SMG6: variants seen among roughly 807,000 people sequenced by gnomAD.
SMG6 encodes the protein SMG6 nonsense mediated mRNA decay factor.
A neutral mutation model predicts 142.2 loss-of-function variants in SMG6; 66 were observed. The observed-to-expected ratio is 0.46, with a 90% CI of 0.38 to 0.57. The LOEUF is 0.57. Among genes scored for constraint, SMG6 ranks in the 20% least tolerant of loss-of-function variants. The pLI is 0.00. For missense variants in SMG6, 1,793 were observed against 1,832.0 expected (o/e 0.98, Z 0.39); for synonymous variants, 779 against 702.4 (o/e 1.11, Z -1.72).
chr17:2,253,931 C>G (rs552249272), intron 8 of SMG6, among the ~76,000 whole-genome samples: 12 of 152,288 alleles, frequency 7.9e-5, no homozygotes, highest in African/African-American at 2.9e-4. Context: ...TTCACTTAGG[C>G]CAGAGGGCTC....
At chr17:2,244,081 T>C (rs192529388) in intron 9 of SMG6, among the ~76,000 whole-genome samples, 7 of 152,214 alleles carry the variant, frequency 4.6e-5, no homozygotes, top group Admixed American at 1.3e-4. Context: ...AGCAGTCAAG[T>C]GTTAGTTTTG....
intron 13 of SMG6, among the ~76,000 whole-genome samples, chr17:2,097,105 T>G (rs2068876267): frequency 6.6e-6 from 1 of 152,216 alleles, no homozygotes; most frequent in Non-Finnish European, 1.5e-5. Flanking sequence ...TGGAGTAGTT[T>G]TTAAAATCAA....
intron 13 of SMG6, among the ~76,000 whole-genome samples, chr17:2,157,553 C>T (rs2071044692): frequency 6.6e-6 from 1 of 152,142 alleles, no homozygotes; most frequent in Non-Finnish European, 1.5e-5. Context: ...TACTAAGTAC[C>T]ACCCAACATG....
chr17:2,154,036 T>C (rs1260574450), intron 13 of SMG6, among the ~76,000 whole-genome samples: 1 of 102,724 alleles, frequency 9.7e-6, no homozygotes, highest in Non-Finnish European at 1.9e-5. Context: ...TGACGGTGAC[T>C]GGGGAACCTG....
At chr17:2,137,127 G>A (rs534277150) in intron 13 of SMG6, among the ~76,000 whole-genome samples, 3 of 152,076 alleles carry the variant, frequency 2.0e-5, no homozygotes, top group Non-Finnish European at 4.4e-5. Context: ...AGATCCCGCC[G>A]CTGCACTCCA....
Position 2,061,352 on chromosome 17 carries a change from C to T in SMG6, c.*140G>A, listed in dbSNP as rs1567561899. On this transcript the variant is annotated 3_prime_UTR_variant, in exon 19 of 19. Transcript: ENST00000263073. Reference sequence around the variant, plus strand: ...AGGAGCAGGTCCCCCACAGCATGGCCGTGGCGTGGGTTGGAAGAGGATGGT... The same window carrying T: ...AGGAGCAGGTCCCCCACAGCATGGCTGTGGCGTGGGTTGGAAGAGGATGGT... 10 of 829,154 alleles carry T rather than the reference C, an allele frequency of 1.2e-5. No homozygotes were observed. Among genetic ancestry groups the T allele is most frequent in the African/African-American group, 6.8e-5 (4 of 58,428 alleles). The allele number at this position is 829,154 out of a possible 1,614,324, so 51.4% of individuals were successfully genotyped here.
At chr17:2,122,291 T>C (rs1013509003) in intron 13 of SMG6, 3 of 152,096 alleles carry the variant, frequency 2.0e-5, no homozygotes, top group African/African-American at 4.8e-5. Context: ...CTTTGCTGTA[T>C]AATAAAATGT....
At chr17:2,075,089 G>C (rs2068219498) in intron 15 of SMG6, among the ~76,000 whole-genome samples, 1 of 152,228 alleles carries the variant, frequency 6.6e-6, no homozygotes, top group African/African-American at 2.4e-5. Flanking sequence ...CGTGCCCCCG[G>C]CCTGGTGCTG....
intron 13 of SMG6, among the ~76,000 whole-genome samples, chr17:2,166,391 GAAAC>G (rs1432205736): frequency 6.6e-6 from 1 of 151,870 alleles, no homozygotes; most frequent in Admixed American, 6.6e-5. Flanking sequence ...CGCAAATAGA[GAAAC>G]AAATTATATT....
In SMG6 at chr17:2,255,416, AAAAAAAAAAAAAAG is replaced by A. The variant is rs1443125553; in HGVS notation, c.2662-10711_2662-10698del. ...GAGACTCCGTCTCAAAAAAAAAAAA[AAAAAAAAAAAAAAG>A]AATGTGATCTTCATTAAAGCCACTG... is the stretch of plus-strand genomic sequence containing the variant. On this transcript the variant is annotated intron_variant, in intron 8 of 18. Transcript: ENST00000263073. 5.3e-4 allele frequency among the ~76,000 whole-genome samples: 80 copies of A among 150,298 alleles called. 1 individual carries two copies. Among genetic ancestry groups the A allele is most frequent in the Non-Finnish European group, 7.3e-4 (49 of 67,368 alleles).
chr17:2,253,914 C>T (rs755347120), intron 8 of SMG6, among the ~76,000 whole-genome samples: 3 of 152,170 alleles, frequency 2.0e-5, no homozygotes, highest in East Asian at 3.9e-4. Context: ...CCAAGCCCAA[C>T]GGAGACTTCA....
intron 13 of SMG6, among the ~76,000 whole-genome samples, chr17:2,162,403 A>C (rs1388532073): frequency 6.6e-6 from 1 of 151,112 alleles, no homozygotes; most frequent in African/African-American, 2.4e-5. Flanking sequence ...AGTCCCAGCT[A>C]CTCGGGAGGC....
At chr17:2,088,913 T>C (rs2068639611) in intron 13 of SMG6, among the ~76,000 whole-genome samples, 1 of 152,194 alleles carries the variant, frequency 6.6e-6, no homozygotes, top group South Asian at 2.1e-4. Context: ...CTTACGGGAA[T>C]ATTCTCCTAG....
Position 2,236,527 on chromosome 17 carries a change from A to T in SMG6, c.2834T>A (p.Ile945Asn). The T allele has an allele frequency of 6.2e-7, 1 of 1,613,266 alleles. No individual in the cohort carries two copies. Among genetic ancestry groups the T allele is most frequent in the Non-Finnish European group, 8.5e-7 (1 of 1,179,658 alleles). ...GGAGTTGTGTACTGCAAACATATTG[A>T]TGGTCATAAGCTGCAGCATGCGGGT... ...GSTRMLQLMT[I>N]NMFAVHNSQL... The change falls in exon 10 of 19, where the codon ATC becomes AAC. Residue 945 changes from isoleucine (I) to asparagine (N), a missense_variant. Ile to Asn is a moderately radical substitution (Grantham distance 149). Around this residue, in one of 3 missense-constraint regions of SMG6, gnomAD observed 1,597 missense variants for 1,584.6 expected, o/e 1.01. Transcript: ENST00000263073.
intron 8 of SMG6, among the ~76,000 whole-genome samples, chr17:2,278,408 T>C (rs1640133728): frequency 6.6e-6 from 1 of 152,146 alleles, no homozygotes; most frequent in African/African-American, 2.4e-5. Flanking sequence ...TTTCACCATG[T>C]TGGCCAGGCT....
intron 8 of SMG6, among the ~76,000 whole-genome samples, chr17:2,265,054 A>C (rs976495246): frequency 6.6e-6 from 1 of 152,212 alleles, no homozygotes; most frequent in Non-Finnish European, 1.5e-5. Context: ...GAAATGAAGG[A>C]GTAAACCTTA....
intron 13 of SMG6, among the ~76,000 whole-genome samples, chr17:2,111,594 G>A (rs769075134): frequency 2.0e-5 from 3 of 152,032 alleles, no homozygotes; most frequent in Non-Finnish European, 4.4e-5. Context: ...TATAGAAACG[G>A]GGTCTCCCTA....
intron 9 of SMG6, among the ~76,000 whole-genome samples, chr17:2,238,429 T>C (rs965380765): frequency 2.6e-5 from 4 of 151,892 alleles, no homozygotes; most frequent in Non-Finnish European, 5.9e-5. Flanking sequence ...GAGAGTGACA[T>C]GTTTGGGGCT....
chr17:2,094,425 G>C (rs2068803594), intron 13 of SMG6, among the ~76,000 whole-genome samples: 3 of 152,086 alleles, frequency 2.0e-5, no homozygotes, highest in African/African-American at 7.2e-5. Flanking sequence ...ATTTAGTAGG[G>C]ATGGGGTTTC....
Sources: allele counts gnomAD v4.1 joint callset (sites outside exome capture counted in the v4.1 genomes callset), GRCh38; gene constraint gnomAD v4.1.1; regional missense constraint gnomAD v4.1.1; transcripts MANE v1.5; gene names NCBI Gene and HGNC (gene_info 2026-07-23, HGNC 2026-07-21).